The following MYBPC3 variants were observed in gnomAD, a reference collection of about 807,000 sequenced individuals.
MYBPC3 encodes myosin binding protein C3, also known as myosin-binding protein C, cardiac-type.
MYBPC3 carries 108 observed loss-of-function variants against 159.3 expected under a neutral mutation model. The observed-to-expected ratio is 0.68, with a 90% CI of 0.58 to 0.80. The LOEUF is 0.80. MYBPC3 is among the 30% of genes least tolerant of loss of function. The pLI, the probability that MYBPC3 is intolerant of heterozygous loss-of-function variation, is 0.00. For synonymous variants in MYBPC3, 730 were observed against 702.0 expected (o/e 1.04, Z -0.63); for missense variants, 1,631 against 1,762.1 (o/e 0.93, Z 1.33).
rs397516050 is a variant in MYBPC3, at chr11:47,350,077, C to T, written c.442G>A (p.Gly148Arg). The T allele has an allele frequency of 1.1e-4, 172 of 1,561,288 alleles. No individual in the cohort carries two copies. The highest frequency in any genetic ancestry group is 1.4e-4 in the Non-Finnish European group (165 of 1,152,472). Residue 148 changes from glycine (G) to arginine (R), a missense_variant, in exon 4 of 35, where the codon GGA becomes AGA. By Grantham distance (125) the Gly-to-Arg change is moderately radical. Transcript: ENST00000545968. ...SSAALNGPTPGAPDDPIGLFV... is the reference protein window; with the variant it reads ...SSAALNGPTPRAPDDPIGLFV... Reference sequence around the variant, plus strand: ...AGGCCAATGGGGTCATCGGGGGCTCCAGGGGTAGGACCATTGAGAGCTGCT... The same window carrying T: ...AGGCCAATGGGGTCATCGGGGGCTCTAGGGGTAGGACCATTGAGAGCTGCT...
At position 47,337,452 on chromosome 11, in the gene MYBPC3, G is replaced by A. The variant is rs397515974; in HGVS notation, c.2541C>T (p.Tyr847=). The A allele has an allele frequency of 1.2e-6, 2 of 1,613,276 alleles. No homozygotes were observed. Among genetic ancestry groups the A allele is most frequent in the Non-Finnish European group, 1.7e-6 (2 of 1,179,784 alleles). ...TGGACATGCCGATGGCGTTGACCGC[G>A]TAGACGCGCATCTCGTACACCACGC... ...IEGVVYEMRV[Y]AVNAIGMSRP... is the part of the protein sequence containing the mutation. Residue 847 remains tyrosine (Y), a synonymous_variant, in exon 25 of 35, where the codon TAC becomes TAT. Coordinates refer to ENST00000545968, the MANE Select transcript of MYBPC3 (RefSeq NM_000256.3).
chr11:47,339,771 C>G lies in MYBPC3; in HGVS notation c.1947G>C (p.Leu649=), dbSNP rs757244311. 5.0e-5 allele frequency: 80 copies of G among 1,613,598 alleles called. No homozygotes were observed. The highest frequency in any genetic ancestry group is 6.6e-5 in the Non-Finnish European group (78 of 1,179,702). The change falls in exon 21 of 35, where the codon CTG becomes CTC. Residue 649 remains leucine, a synonymous_variant. Transcript: ENST00000545968. ...VPRQEPPKIH[L]DCPGRIPDTI... ...TGTCTGGTATGCGGCCTGGGCAGTC[C>G]AGGTGGATCTTGGGAGGTTCTGCAG...
At position 47,351,214 on chromosome 11, in the gene MYBPC3, C is replaced by T. The variant is rs2095900498; in HGVS notation, c.292+25G>A. ...GCCCCTCCCCCAGCAGCCCAAACCT[C>T]AGGGAAGGCTGATCAGGATCTTACC... On this transcript the variant is annotated intron_variant, in intron 2 of 34. Coordinates refer to ENST00000545968, the MANE Select transcript of MYBPC3 (RefSeq NM_000256.3). The surrounding 1 kb of genome is among the most constrained non-coding windows in gnomAD (Gnocchi z 4.2). 10 of 1,488,396 alleles carry T rather than the reference C, an allele frequency of 6.7e-6. No individual in the cohort carries two copies. Among genetic ancestry groups the T allele is most frequent in the South Asian group, 1.3e-5 (1 of 76,254 alleles). The allele number at this position is 1,488,396 out of a possible 1,614,324, so 92.2% of individuals were successfully genotyped here. A position where few individuals can be genotyped will look rare whatever the true frequency, so the allele number is the denominator to read the frequency against.
chr11:47,337,605 G>A (rs368188090), intron 24 of MYBPC3, 26 bp from the exon 25 acceptor site: 2 of 1,613,594 alleles, frequency 1.2e-6, no homozygotes, highest in Non-Finnish European at 1.7e-6. Context: ...TGGCAGCTCT[G>A]GTCTGGAACC....
At chr11:47,335,327 ATTTG>A in intron 26 of MYBPC3, 118 bp from the exon 27 acceptor site, 17 of 871,952 alleles carry the variant, frequency 1.9e-5, no homozygotes, top group Non-Finnish European at 2.5e-5. Flanking sequence ...TTAAATTTTT[ATTTG>A]TTTATTTATT....
Position 47,337,790 on chromosome 11 carries a change from C to A in MYBPC3, c.2313G>T (p.Val771=). 6.4e-7 allele frequency: 1 copy of A among 1,551,152 alleles called. No homozygotes were observed. The highest frequency in any genetic ancestry group is 2.4e-5 in the East Asian group (1 of 40,926). ...TCTTGGGGGCCGCAGGTGCGTCTGGCACGTCTGGATGGGGTGGGATGGACC... is the reference window on the plus strand; with the variant it reads ...TCTTGGGGGCCGCAGGTGCGTCTGGAACGTCTGGATGGGGTGGGATGGACC... ...QVNLTVKVID[V]PDAPAAPKIS... is the part of the protein sequence containing the mutation. Residue 771 remains valine (V), a synonymous_variant, in exon 24 of 35, where the codon GTG becomes GTT. Transcript: ENST00000545968.
chr11:47,351,608 C>T lies in MYBPC3; in HGVS notation c.26-103G>A, dbSNP rs189972292. Reference sequence around the variant, plus strand: ...CTGTGCTAGCACTTTCTATGCATCCCCTCACGTAATACTCTACCAGTTCTC... The same window carrying T: ...CTGTGCTAGCACTTTCTATGCATCCTCTCACGTAATACTCTACCAGTTCTC... On this transcript the variant is annotated intron_variant, in intron 1 of 34. Coordinates refer to ENST00000545968, the MANE Select transcript of MYBPC3 (RefSeq NM_000256.3). This position sits in a 1 kb window ranked among gnomAD's most constrained non-coding sequence, Gnocchi z 4.2. 3.2e-5 allele frequency: 41 copies of T among 1,277,936 alleles called. No individual in the cohort carries two copies. The African/African-American group carries it at 5.6e-4, about 17-fold the overall frequency. The allele number at this position is 1,277,936 out of a possible 1,614,324, so 79.2% of individuals were successfully genotyped here. A position where few individuals can be genotyped will look rare whatever the true frequency, so the allele number is the denominator to read the frequency against.
At position 47,349,901 on chromosome 11, in the gene MYBPC3, G is replaced by A. The variant is rs753683535; in HGVS notation, c.527C>T (p.Ala176Val). 1.9e-6 allele frequency: 3 copies of A among 1,607,400 alleles called. No homozygotes were observed. Among genetic ancestry groups the A allele is most frequent in the East Asian group, 4.5e-5 (2 of 44,576 alleles). The change falls in exon 5 of 35, where the codon GCC (alanine) becomes GTC (valine). Residue 176 changes from alanine to valine, a missense_variant. Transcript: ENST00000545968. ...CAGGAGGCTGGCGCCGGCCACGCGGGCTGAGAAGGTGATGCTGCCACCTGC... is the reference window on the plus strand; with the variant it reads ...CAGGAGGCTGGCGCCGGCCACGCGGACTGAGAAGGTGATGCTGCCACCTGC... ...VTVGGSITFS[A>V]RVAGASLLKP...
At chr11:47,348,054 C>T in intron 6 of MYBPC3, 149 bp from the exon 7 acceptor site, 1 of 782,896 alleles carries the variant, frequency 1.3e-6, no homozygotes, top group Non-Finnish European at 2.1e-6. Flanking sequence ...CTCACCTTCC[C>T]AGCCTTTCCC....
chr11:47,335,529 G>A (rs1487538701), intron 26 of MYBPC3: 11 of 284,008 alleles, frequency 3.9e-5, no homozygotes, highest in East Asian at 1.4e-4. Flanking sequence ...GTTTCTCCAC[G>A]TTGGTCAGAC....
At position 47,331,972 on chromosome 11, in the gene MYBPC3, C is replaced by T. The variant is rs11570117; in HGVS notation, c.3815-91G>A. On this transcript the variant is annotated intron_variant, in intron 33 of 34. Transcript: ENST00000545968. ...GTGGCAGGGTCCGTGCCCTTGCAGC[C>T]AGGGCAGGTGCTTGGCCGAGGACAA... The T allele has an allele frequency of 6.6e-4, 1,050 of 1,592,182 alleles. 1 individual carries two copies. The highest frequency in any genetic ancestry group is 2.0e-3 in the Middle Eastern group (10 of 4,944).
At chr11:47,342,979 A>G (rs1444882215) in intron 15 of MYBPC3, 42 bp downstream of exon 15, 3 of 1,612,542 alleles carry the variant, frequency 1.9e-6, no homozygotes, top group East Asian at 2.2e-5. Flanking sequence ...CCCTGAGGCC[A>G]TCTCCTCCCC....
Position 47,346,112 on chromosome 11 carries a change from C to T in MYBPC3, c.1090+95G>A. On this transcript the variant is annotated intron_variant, in intron 12 of 34. Transcript: ENST00000545968. The surrounding 1 kb of genome is among the most constrained non-coding windows in gnomAD (Gnocchi z 5.3). ...GGGGCTAACCTGTGCCCTCTCCTCTCCCCTGTGGGGAAGGGCTAACCTATG... is the reference window on the plus strand; with the variant it reads ...GGGGCTAACCTGTGCCCTCTCCTCTTCCCTGTGGGGAAGGGCTAACCTATG... 1 of 1,533,140 alleles carries T rather than the reference C, an allele frequency of 6.5e-7. No individual in the cohort carries two copies. The highest frequency in any genetic ancestry group is 8.9e-7 in the Non-Finnish European group (1 of 1,129,278). The allele number at this position is 1,533,140 out of a possible 1,614,324, so 95.0% of individuals were successfully genotyped here.
chr11:47,332,203 C>T lies in MYBPC3; in HGVS notation c.3683G>A (p.Arg1228His), dbSNP rs528940575. ...CAACACTCCCTGCTTGCTGAACATG[C>T]GGAAGCGGGCGTCTTCTCCCAGGTC... ...GLDLGEDARF[R>H]MFSKQGVLTL... The change falls in exon 33 of 35, where the codon CGC becomes CAC. Residue 1228 changes from arginine (R) to histidine (H), a missense_variant. Physicochemically the swap from Arg to His is conservative, Grantham distance 29. Coordinates refer to ENST00000545968, the MANE Select transcript of MYBPC3 (RefSeq NM_000256.3). The surrounding 1 kb of genome is among the most constrained non-coding windows in gnomAD (Gnocchi z 4.2). 18 of 1,613,850 alleles carry T rather than the reference C, an allele frequency of 1.1e-5. No individual in the cohort carries two copies. In the South Asian group the frequency reaches 1.2e-4, roughly 11 times the overall value.
chr11:47,340,648 CAG>C (rs1246959839), intron 20 of MYBPC3, among the ~76,000 whole-genome samples: 3 of 151,796 alleles, frequency 2.0e-5, no homozygotes, highest in African/African-American at 7.3e-5. Context: ...GCGTGGGCGA[CAG>C]AGGGAGACTC....
intron 28 of MYBPC3, 58 bp downstream of exon 28, chr11:47,333,864 G>C: frequency 1.9e-6 from 3 of 1,551,700 alleles, no homozygotes; most frequent in Non-Finnish European, 2.6e-6. Context: ...TCCACTGGAT[G>C]GGAACAACAC....
rs567658682 is a variant in MYBPC3, at chr11:47,332,444, G to A, written c.3627+122C>T. 122 of 1,476,094 alleles carry A rather than the reference G, an allele frequency of 8.3e-5. No individual in the cohort carries two copies. The highest frequency in any genetic ancestry group is 1.1e-4 in the Non-Finnish European group (116 of 1,093,306). 91.4% of individuals were successfully genotyped at this position (1,476,094 alleles called of 1,614,324 possible). A position where few individuals can be genotyped will look rare whatever the true frequency, so the allele number is the denominator to read the frequency against. Reference sequence around the variant, plus strand: ...TGGCCCTGCCCAGGGGGAGGAACCCGGTCCATACACCCCAAGGTGGAGAGA... The same window carrying A: ...TGGCCCTGCCCAGGGGGAGGAACCCAGTCCATACACCCCAAGGTGGAGAGA... On this transcript the variant is annotated intron_variant, in intron 32 of 34. Transcript: ENST00000545968. The surrounding 1 kb of genome is among the most constrained non-coding windows in gnomAD (Gnocchi z 4.2).
rs886048373 is a variant in MYBPC3 at position 47,335,863 on chromosome 11, G to T, written c.2737+14C>A. 4.8e-6 allele frequency: 7 copies of T among 1,464,186 alleles called. No individual in the cohort carries two copies. In the East Asian group the frequency reaches 1.7e-4, roughly 35 times the overall value. The allele number at this position is 1,464,186 out of a possible 1,614,324, so 90.7% of individuals were successfully genotyped here. On this transcript the variant is annotated intron_variant, in intron 26 of 34. Coordinates refer to ENST00000545968, the MANE Select transcript of MYBPC3 (RefSeq NM_000256.3). ...CTTCCTTTGGGGAGGGGGGTTGGGG[G>T]CGGGGACACTCACAGCCCTCTGGGC...
At chr11:47,336,215 C>T (rs375246731) in intron 25 of MYBPC3, among the ~76,000 whole-genome samples, 7 of 152,042 alleles carry the variant, frequency 4.6e-5, no homozygotes, top group African/African-American at 1.2e-4. Flanking sequence ...CAGCCAGGCA[C>T]GGTGGCTCAC....
Sources: gnomAD v4.1 joint callset for allele counts (sites outside exome capture counted in the v4.1 genomes callset) on GRCh38, gnomAD v4.1.1 for gene constraint, Gnocchi (gnomAD v3.1) non-coding constraint, MANE v1.5 for transcripts, NCBI Gene and HGNC (gene_info 2026-07-23, HGNC 2026-07-21) for gene names.